The following AP2B1 variants were observed in gnomAD, a reference collection of about 807,000 sequenced individuals.
AP2B1 encodes the protein adaptor related protein complex 2 subunit beta 1, also known as AP-2 complex subunit beta.
Under a neutral mutation model 102.0 loss-of-function variants are expected in AP2B1, and 23 were observed. The ratio of observed to expected loss-of-function variants is 0.23; its 90% CI spans 0.16 to 0.32. The LOEUF (loss-of-function observed/expected upper bound fraction) is 0.32, where lower values mean the gene tolerates loss of function less well. Among genes scored for constraint, AP2B1 ranks in the 10% least tolerant of loss-of-function variants. The pLI is 1.00. For missense variants in AP2B1, 541 were observed against 1,157.4 expected, an observed-to-expected ratio of 0.47 and a Z score of 7.73; for synonymous variants, 381 against 421.2, an observed-to-expected ratio of 0.90 and a Z score of 1.17.
rs587766115 is a variant in AP2B1, at chr17:35,711,808, T to C, written c.2626+1488T>C. Among the ~76,000 whole-genome samples, 45 of 152,330 alleles carry C rather than the reference T, an allele frequency of 3.0e-4. 1 individual carries two copies. The South Asian group carries it at 9.3e-3, about 32-fold the overall frequency. ...TTTAGTTTTTTATGGCTCTATGTAA[T>C]ATTCATCTTCTGTGTTCAGATGAAT... On this transcript the variant is annotated intron_variant, in intron 20 of 21. Transcript: ENST00000610402.
chr17:35,625,324 T>C (rs1482403226), intron 6 of AP2B1, among the ~76,000 whole-genome samples: 2 of 152,234 alleles, frequency 1.3e-5, no homozygotes, highest in African/African-American at 4.8e-5. Flanking sequence ...TGGCTGAAGC[T>C]GATTTCCAAG....
chr17:35,647,230 T>A (rs2074959064), intron 12 of AP2B1, among the ~76,000 whole-genome samples: 1 of 152,216 alleles, frequency 6.6e-6, no homozygotes, highest in South Asian at 2.1e-4. Flanking sequence ...GTTGCTTCCC[T>A]GACCTGATAT....
chr17:35,709,286 T>C lies in AP2B1; in HGVS notation c.2517T>C (p.Leu839=), dbSNP rs370882471. 1.9e-6 allele frequency: 3 copies of C among 1,614,148 alleles called. No homozygotes were observed. The highest frequency in any genetic ancestry group is 1.3e-5 in the African/African-American group (1 of 75,036). The change falls in exon 19 of 22, where the codon CTT becomes CTC. Residue 839 remains leucine, a synonymous_variant. Coordinates refer to ENST00000610402, the MANE Select transcript of AP2B1 (RefSeq NM_001030006.2). The part of the protein sequence containing the change: ...YFSCLIPLNV[L]FVEDGKMERQ... ...GCTGCCTCATCCCACTCAATGTGCT[T>C]TTTGTAGAAGATGGCAAAATGGGTA...
chr17:35,683,565 G>A lies in AP2B1; in HGVS notation c.2454+741G>A, dbSNP rs985859167. ...GAAGAATTTTATGTGGTCTACAAGA[G>A]CCTCTTTATCTTGAAAATGTCGAAT... On this transcript the variant is annotated intron_variant, in intron 18 of 21. Transcript: ENST00000610402. Among the ~76,000 whole-genome samples the A allele has an allele frequency of 2.0e-5, 3 of 152,318 alleles. No individual in the cohort carries two copies. In the East Asian group the frequency reaches 5.8e-4, roughly 29 times the overall value.
At chr17:35,681,329 T>C (rs2075818676) in intron 17 of AP2B1, among the ~76,000 whole-genome samples, 1 of 152,248 alleles carries the variant, frequency 6.6e-6, no homozygotes, top group Non-Finnish European at 1.5e-5. Flanking sequence ...TCTGGACTTA[T>C]CAGTCAGGTT....
intron 18 of AP2B1, among the ~76,000 whole-genome samples, chr17:35,704,018 A>G (rs2076291900): frequency 6.6e-6 from 1 of 152,076 alleles, no homozygotes; most frequent in Admixed American, 6.6e-5. Flanking sequence ...ACCTGTTGGG[A>G]TAGTGAATTT....
chr17:35,616,142 CTTTTTTTTTTTTTTTTTTT>C (rs71152739), intron 5 of AP2B1, among the ~76,000 whole-genome samples: 73 of 57,426 alleles, frequency 1.3e-3, no homozygotes, highest in South Asian at 0.011. Flanking sequence ...AAAAATATCT[CTTTTTTTTTTTTTTTTTTT>C]TTTTTTTTTT....
At chr17:35,660,011 C>A (rs1446839802) in intron 14 of AP2B1, 6 of 985,200 alleles carry the variant, frequency 6.1e-6, no homozygotes, top group Non-Finnish European at 1.2e-6. Flanking sequence ...TTTTATTGTT[C>A]TTATGCAAAT....
chr17:35,693,967 A>G (rs1598303973), intron 18 of AP2B1, among the ~76,000 whole-genome samples: 1 of 152,230 alleles, frequency 6.6e-6, no homozygotes, highest in Non-Finnish European at 1.5e-5. Context: ...CAGTGAACTC[A>G]TTTGATTTTT....
chr17:35,633,017 A>G (rs1323956480), intron 9 of AP2B1, among the ~76,000 whole-genome samples: 1 of 152,126 alleles, frequency 6.6e-6, no homozygotes. Context: ...GCTGAAAATG[A>G]ATAAAATAGA....
chr17:35,607,844 C>A (rs920557088), intron 4 of AP2B1: 2 of 200,728 alleles, frequency 1.0e-5, no homozygotes, highest in Non-Finnish European at 2.0e-5. Flanking sequence ...TAGGGTAGAT[C>A]CTAATGGCTG....
chr17:35,612,757 A>G (rs921503973), intron 5 of AP2B1, among the ~76,000 whole-genome samples: 1 of 152,050 alleles, frequency 6.6e-6, no homozygotes, highest in African/African-American at 2.4e-5. Flanking sequence ...GCTGGTTACT[A>G]CCTTCATGGA....
At chr17:35,680,925 C>T (rs1230656685) in intron 17 of AP2B1, among the ~76,000 whole-genome samples, 1 of 151,972 alleles carries the variant, frequency 6.6e-6, no homozygotes, top group Non-Finnish European at 1.5e-5. Flanking sequence ...GAACTCCTGG[C>T]CTTAAGTGAT....
In AP2B1 at chr17:35,685,608, TAA is replaced by T. The variant is rs1422990738; in HGVS notation, c.2454+2785_2454+2786del. Among the ~76,000 whole-genome samples the T allele has an allele frequency of 5.3e-5, 8 of 152,336 alleles. No homozygotes were observed. In the East Asian group the frequency reaches 1.5e-3, roughly 29 times the overall value. On this transcript the variant is annotated intron_variant, in intron 18 of 21. Coordinates refer to ENST00000610402, the MANE Select transcript of AP2B1 (RefSeq NM_001030006.2). ...TGGATTTTAGCTATTTTGGCTAATT[TAA>T]TATCAATGTGTAGAACAATTAAATC...
chr17:35,641,954 G>C lies in AP2B1; in HGVS notation c.1515G>C (p.Gln505His). The change falls in exon 12 of 22, where the codon CAG becomes CAC. Residue 505 changes from glutamine (Q) to histidine (H), a missense_variant. Coordinates refer to ENST00000610402, the MANE Select transcript of AP2B1 (RefSeq NM_001030006.2). ...KPSETQELVQ[Q>H]VLSLATQDSD... The stretch of plus-strand genomic sequence containing the variant: ...CAGAAACACAGGAGCTAGTCCAGCA[G>C]GTCTTGAGTTTGGCAACACAGGTAA... The C allele has an allele frequency of 1.2e-6, 2 of 1,612,204 alleles. No individual in the cohort carries two copies. The highest frequency in any genetic ancestry group is 1.7e-6 in the Non-Finnish European group (2 of 1,178,508).
chr17:35,722,671 A>G (rs936167998), intron 21 of AP2B1, among the ~76,000 whole-genome samples: 1 of 152,176 alleles, frequency 6.6e-6, no homozygotes, highest in East Asian at 1.9e-4. Context: ...ATAGTCTAAA[A>G]TCTCACGGTG....
intron 9 of AP2B1, among the ~76,000 whole-genome samples, chr17:35,631,120 A>C (rs1405175465): frequency 1.3e-5 from 2 of 152,284 alleles, no homozygotes; most frequent in Admixed American, 6.5e-5. Context: ...TTTTTGTTCA[A>C]TAACTTTTGC....
At chr17:35,686,925 T>C (rs3890900) in intron 18 of AP2B1, among the ~76,000 whole-genome samples, 131,564 of 152,106 alleles carry the variant, frequency 0.86, 57,229 homozygotes, top group East Asian at 0.97. Context: ...TGCAGTGAGC[T>C]GAGATCGCGC....
chr17:35,683,514 T>A (rs189833902), intron 18 of AP2B1, among the ~76,000 whole-genome samples: 5 of 152,348 alleles, frequency 3.3e-5, no homozygotes, highest in Non-Finnish European at 4.4e-5. Context: ...TTAGCACCTA[T>A]CTATGATAAG....
Sources: allele counts gnomAD v4.1 joint callset (sites outside exome capture counted in the v4.1 genomes callset), GRCh38; gene constraint gnomAD v4.1.1; transcripts MANE v1.5; gene names NCBI Gene and HGNC (gene_info 2026-07-23, HGNC 2026-07-21).